KLHL32: variants seen among roughly 807,000 people sequenced by gnomAD.
KLHL32 encodes kelch-like protein 32.
Under a neutral mutation model 64.8 loss-of-function variants are expected in KLHL32, and 35 were observed. The observed-to-expected ratio is 0.54, with a 90% CI of 0.41 to 0.72. The LOEUF is 0.72. Among genes scored for constraint, KLHL32 ranks in the 30% least tolerant of loss-of-function variants. KLHL32 has a pLI of 0.00. For synonymous variants in KLHL32, 259 were observed against 281.0 expected, an observed-to-expected ratio of 0.92 and a Z score of 0.78; for missense variants, 589 against 768.5, an observed-to-expected ratio of 0.77 and a Z score of 2.76.
the KLHL32 span, among the ~76,000 whole-genome samples, chr6:96,903,637 C>T: frequency 6.6e-6 from 1 of 152,190 alleles, no homozygotes; most frequent in Admixed American, 6.5e-5. Context: ...CCATAAGGAA[C>T]TTAATTTTGC....
At chr6:97,073,153 C>G (rs1024025580) in intron 5 of KLHL32, among the ~76,000 whole-genome samples, 1 of 152,174 alleles carries the variant, frequency 6.6e-6, no homozygotes, top group African/African-American at 2.4e-5. Context: ...TCCCCTCACC[C>G]CTGTCTTCCC....
chr6:96,990,233 G>A (rs1777685025), intron 3 of KLHL32, among the ~76,000 whole-genome samples: 1 of 152,136 alleles, frequency 6.6e-6, no homozygotes. Flanking sequence ...TCCTTTCACA[G>A]TTACAATTTG....
the KLHL32 span, among the ~76,000 whole-genome samples, chr6:96,910,841 G>C: frequency 6.6e-6 from 1 of 152,108 alleles, no homozygotes; most frequent in Admixed American, 6.5e-5. Context: ...ACTAGAAGCA[G>C]CACAAGCTTT....
At chr6:97,040,332 G>A (rs1482076296) in intron 3 of KLHL32, among the ~76,000 whole-genome samples, 2 of 151,750 alleles carry the variant, frequency 1.3e-5, no homozygotes, top group African/African-American at 4.8e-5. Context: ...CTTTTAAAAT[G>A]CATTTGTTTT....
chr6:96,976,270 G>A (rs1479114207), intron 3 of KLHL32, 93 bp downstream of exon 3: 29 of 1,212,578 alleles, frequency 2.4e-5, no homozygotes, highest in Middle Eastern at 2.9e-4. Flanking sequence ...CCAATTAGGT[G>A]GTACCCCCAG....
chr6:97,087,403 T>G (rs528409867), intron 6 of KLHL32, among the ~76,000 whole-genome samples: 23 of 152,182 alleles, frequency 1.5e-4, no homozygotes, highest in Non-Finnish European at 3.2e-4. Context: ...AGGATTAGTG[T>G]CAGGGTGCTT....
At chr6:97,136,841 G>A (rs1271094870) in intron 10 of KLHL32, among the ~76,000 whole-genome samples, 1 of 152,112 alleles carries the variant, frequency 6.6e-6, no homozygotes, top group African/African-American at 2.4e-5. Flanking sequence ...GTTGGCCCAG[G>A]AAACCAGACA....
At chr6:97,132,890 A>G in intron 10 of KLHL32, 143 bp downstream of exon 10, 1 of 574,326 alleles carries the variant, frequency 1.7e-6, no homozygotes, top group Middle Eastern at 2.7e-4. Context: ...TCAGCCACTA[A>G]ACTTCATCCT....
At chr6:97,111,652 A>G (rs1391617014) in intron 6 of KLHL32, among the ~76,000 whole-genome samples, 1 of 152,152 alleles carries the variant, frequency 6.6e-6, no homozygotes, top group Non-Finnish European at 1.5e-5. Flanking sequence ...TATCTTTGCC[A>G]TCTGTGGATG....
intron 5 of KLHL32, among the ~76,000 whole-genome samples, chr6:97,082,622 A>AAT (rs1554233529): frequency 2.0e-5 from 3 of 151,640 alleles, no homozygotes; most frequent in African/African-American, 7.3e-5. Flanking sequence ...TCAAAAAAAA[A>AAT]AAATAAATAA....
At chr6:97,021,377 T>C (rs1350581001) in intron 3 of KLHL32, among the ~76,000 whole-genome samples, 1 of 150,762 alleles carries the variant, frequency 6.6e-6, no homozygotes, top group Non-Finnish European at 1.5e-5. Context: ...GTAGTTTCTG[T>C]TGGAAAGCTG....
chr6:96,971,264 C>T (rs1775074796), intron 2 of KLHL32, among the ~76,000 whole-genome samples: 1 of 152,108 alleles, frequency 6.6e-6, no homozygotes, highest in African/African-American at 2.4e-5. Flanking sequence ...TAGCTGTTTT[C>T]GGAATTTACA....
At chr6:97,063,562 G>C (rs1789248197) in intron 4 of KLHL32, among the ~76,000 whole-genome samples, 1 of 152,214 alleles carries the variant, frequency 6.6e-6, no homozygotes, top group Non-Finnish European at 1.5e-5. Context: ...TCCAGTGGCA[G>C]AGAAGGAGTT....
intron 4 of KLHL32, among the ~76,000 whole-genome samples, chr6:97,057,180 T>A (rs1457440903): frequency 3.5e-4 from 27 of 76,738 alleles, no homozygotes; most frequent in South Asian, 1.1e-3. Context: ...ATCTTTTTTT[T>A]TTTTTTTTTT....
chr6:96,937,762 C>T (rs1035251964), intron 1 of KLHL32, among the ~76,000 whole-genome samples: 10 of 152,190 alleles, frequency 6.6e-5, no homozygotes, highest in African/African-American at 2.4e-4. Context: ...CTTCAGCTTC[C>T]TTACAGCTTC....
upstream of KLHL32, among the ~76,000 whole-genome samples, chr6:96,920,627 GCATCACATTATA>G (rs754919173): frequency 6.6e-6 from 1 of 151,924 alleles, no homozygotes; most frequent in Non-Finnish European, 1.5e-5. Flanking sequence ...TACACAAACT[GCATCACATTATA>G]CCTATTGATC....
At chr6:96,954,689 C>G (rs1172558330) in intron 1 of KLHL32, among the ~76,000 whole-genome samples, 8 of 152,172 alleles carry the variant, frequency 5.3e-5, no homozygotes, top group African/African-American at 1.7e-4. Context: ...CCTCTACCCT[C>G]TACTGAACGT....
At chr6:97,017,047 A>C (rs1781312299) in intron 3 of KLHL32, among the ~76,000 whole-genome samples, 1 of 152,206 alleles carries the variant, frequency 6.6e-6, no homozygotes, top group South Asian at 2.1e-4. Flanking sequence ...ACCCAGTCTC[A>C]GGTATTTCTT....
Position 96,985,631 on chromosome 6 carries a change from A to G in KLHL32, c.204+9454A>G, listed in dbSNP as rs545189764. 5.3e-5 allele frequency among the ~76,000 whole-genome samples: 8 copies of G among 152,160 alleles called. No individual in the cohort carries two copies. The South Asian group carries it at 1.7e-3, about 32-fold the overall frequency. On this transcript the variant is annotated intron_variant, in intron 3 of 10. Coordinates refer to ENST00000369261, the MANE Select transcript of KLHL32 (RefSeq NM_052904.4). ...CTTCATTTCATTCATTTCATCTTCC[A>G]TCACTGATACCCTTTCTTCCAGTTG... is the stretch of plus-strand genomic sequence containing the variant.
Sources: allele counts gnomAD v4.1 joint callset (sites outside exome capture counted in the v4.1 genomes callset), GRCh38; gene constraint gnomAD v4.1.1; transcripts MANE v1.5; gene names NCBI Gene and HGNC (gene_info 2026-07-23, HGNC 2026-07-21).